The following PHACTR4 variants were observed in gnomAD, a reference collection of about 807,000 sequenced individuals.
The protein encoded by PHACTR4 is phosphatase and actin regulator 4.
In PHACTR4, 51 loss-of-function variants were observed where a neutral mutation model predicts 72.7. That is an observed-to-expected ratio of 0.70 (90% CI 0.56 to 0.89). The LOEUF is 0.89. Among genes scored for constraint, PHACTR4 ranks in the 40% least tolerant of loss-of-function variants. The pLI is 0.00. For missense variants in PHACTR4, 731 were observed against 861.8 expected, an observed-to-expected ratio of 0.85 and a Z score of 1.90; for synonymous variants, 255 against 302.5, an observed-to-expected ratio of 0.84 and a Z score of 1.63.
intron 2 of PHACTR4, among the ~76,000 whole-genome samples, 195 bp from the exon 3 acceptor site, chr1:28,458,890 C>T (rs1225182185): frequency 2.0e-5 from 3 of 152,110 alleles, no homozygotes; most frequent in African/African-American, 4.8e-5. Flanking sequence ...TCCTTTTTCT[C>T]CTTAGTAGTT....
chr1:28,428,515 C>CT (rs1392163820), intron 2 of PHACTR4, among the ~76,000 whole-genome samples: 1 of 152,272 alleles, frequency 6.6e-6, no homozygotes, highest in East Asian at 1.9e-4. Flanking sequence ...TGAGTGTGAT[C>CT]TTTCATTTTG....
intron 1 of PHACTR4, among the ~76,000 whole-genome samples, chr1:28,401,507 A>G (rs1457661134): frequency 1.3e-5 from 2 of 151,830 alleles, no homozygotes; most frequent in Non-Finnish European, 2.9e-5. Context: ...AGGTTTCACC[A>G]TGTTGGCCAG....
At chr1:28,496,050 CT>C (rs59019895) in intron 13 of PHACTR4, among the ~76,000 whole-genome samples, 5,603 of 88,812 alleles carry the variant, frequency 0.063, 87 homozygotes, top group African/African-American at 0.19. Flanking sequence ...GAGAAGAGTT[CT>C]TTTTTTTTTT....
chr1:28,386,244 C>T (rs1652551960), intron 1 of PHACTR4, among the ~76,000 whole-genome samples: 1 of 152,070 alleles, frequency 6.6e-6, no homozygotes, highest in Non-Finnish European at 1.5e-5. Flanking sequence ...CAGGCATGTG[C>T]CACCAATCTT....
rs774787777 is a variant in PHACTR4 at position 28,442,483 on chromosome 1, TTTTG to T, written c.17-16588_17-16585del. Among the ~76,000 whole-genome samples the T allele has an allele frequency of 4.4e-4, 66 of 151,478 alleles. No homozygotes were observed. In the East Asian group the frequency reaches 7.6e-3, roughly 17 times the overall value. Reference sequence around the variant, plus strand: ...GTCTCAAAAAAAAAGAAAAAAAAGTTTTTGTTTGTTTGTTTGTGTATTTATTTAT... The same window carrying T: ...GTCTCAAAAAAAAAGAAAAAAAAGTTTTTGTTTGTTTGTGTATTTATTTAT... On this transcript the variant is annotated intron_variant, in intron 2 of 13. Coordinates refer to ENST00000373839, the MANE Select transcript of PHACTR4 (RefSeq NM_001048183.3).
chr1:28,422,420 T>G (rs1655566063), intron 2 of PHACTR4: 1 of 152,268 alleles, frequency 6.6e-6, no homozygotes, highest in Admixed American at 6.5e-5. Flanking sequence ...ATAGGTTATA[T>G]GTAAACACTT....
intron 1 of PHACTR4, among the ~76,000 whole-genome samples, chr1:28,406,197 A>G (rs1654312871): frequency 6.6e-6 from 1 of 152,236 alleles, no homozygotes; most frequent in Non-Finnish European, 1.5e-5. Context: ...TTACATTTCC[A>G]GTACAAACCT....
chr1:28,408,291 G>A (rs1021780393), intron 2 of PHACTR4, among the ~76,000 whole-genome samples: 2 of 134,620 alleles, frequency 1.5e-5, no homozygotes, highest in Non-Finnish European at 3.5e-5. Context: ...TGGGCGCAGT[G>A]GCTCATGCCT....
intron 1 of PHACTR4, among the ~76,000 whole-genome samples, chr1:28,398,547 G>A (rs1390155312): frequency 6.6e-6 from 1 of 151,754 alleles, no homozygotes; most frequent in South Asian, 2.1e-4. Context: ...GGCCGAGCAC[G>A]GTGGCTCATG....
Position 28,409,951 on chromosome 1 carries a change from A to ATTT in PHACTR4, c.16+2520_16+2522dup, listed in dbSNP as rs57186471. Reference sequence around the variant, plus strand: ...GAGGGCAGTCTGTACTTCTTCATAAATTTTTTTTTTTTTTTTTTTTTTTTT... The same window carrying ATTT: ...GAGGGCAGTCTGTACTTCTTCATAAATTTTTTTTTTTTTTTTTTTTTTTTTTTT... On this transcript the variant is annotated intron_variant, in intron 2 of 13. Coordinates refer to ENST00000373839, the MANE Select transcript of PHACTR4 (RefSeq NM_001048183.3). 7.4e-3 allele frequency among the ~76,000 whole-genome samples: 494 copies of ATTT among 66,362 alleles called. 39 individuals are homozygous for ATTT. Among genetic ancestry groups the ATTT allele is most frequent in the African/African-American group, 0.011 (173 of 15,662 alleles). The allele number at this position is 66,362 out of a possible 152,430, so 43.5% of individuals were successfully genotyped here. A position where few individuals can be genotyped will look rare whatever the true frequency, so the allele number is the denominator to read the frequency against.
intron 7 of PHACTR4, among the ~76,000 whole-genome samples, chr1:28,474,397 A>G (rs1397484878): frequency 6.6e-6 from 1 of 150,684 alleles, no homozygotes; most frequent in East Asian, 2.0e-4. Context: ...GGTGGCACAT[A>G]CCTGTAATCC....
At chr1:28,387,650 GCTGAGGCTGGAGGATTGC>G (rs1238509025) in intron 1 of PHACTR4, among the ~76,000 whole-genome samples, 1 of 152,148 alleles carries the variant, frequency 6.6e-6, no homozygotes, top group Non-Finnish European at 1.5e-5. Flanking sequence ...CTTTGCGGGG[GCTGAGGCTGGAGGATTGC>G]CTGAGGCTAG....
chr1:28,375,711 T>C (rs1260574107), intron 1 of PHACTR4, among the ~76,000 whole-genome samples: 1 of 151,698 alleles, frequency 6.6e-6, no homozygotes, highest in Non-Finnish European at 1.5e-5. Flanking sequence ...ATAAGTAAAA[T>C]AGGAAAGAGA....
chr1:28,433,955 A>C (rs1359378633), intron 2 of PHACTR4, among the ~76,000 whole-genome samples: 1 of 151,200 alleles, frequency 6.6e-6, no homozygotes, highest in Non-Finnish European at 1.5e-5. Context: ...TAATATTTGT[A>C]TTTTTAGTAG....
intron 1 of PHACTR4, among the ~76,000 whole-genome samples, chr1:28,371,021 G>A (rs1651205597): frequency 6.6e-6 from 1 of 152,198 alleles, no homozygotes; most frequent in Non-Finnish European, 1.5e-5. Context: ...CGTGGATTGT[G>A]GATTCGATCA....
intron 2 of PHACTR4, among the ~76,000 whole-genome samples, chr1:28,442,400 G>C (rs1223791266): frequency 6.6e-6 from 1 of 150,782 alleles, no homozygotes; most frequent in East Asian, 2.0e-4. Context: ...GGAGGCGGAG[G>C]ATGCAGTGAG....
At chr1:28,460,910 C>T (rs1392368145) in intron 4 of PHACTR4, among the ~76,000 whole-genome samples, 1 of 152,026 alleles carries the variant, frequency 6.6e-6, no homozygotes, top group African/African-American at 2.4e-5. Flanking sequence ...TCCCAAAGTG[C>T]TGGGATTACA....
chr1:28,460,171 A>G (rs777473066), intron 3 of PHACTR4, 41 bp from the exon 4 acceptor site: 7 of 1,396,332 alleles, frequency 5.0e-6, no homozygotes, highest in South Asian at 1.2e-5. Context: ...TTGACTTTCA[A>G]CTGTCACATT....
At chr1:28,373,368 G>A (rs1319409762) in intron 1 of PHACTR4, among the ~76,000 whole-genome samples, 1 of 151,800 alleles carries the variant, frequency 6.6e-6, no homozygotes, top group African/African-American at 2.4e-5. Context: ...TTGGCTCACT[G>A]CAACCTCTGC....
Sources: gnomAD v4.1 joint callset for allele counts (sites outside exome capture counted in the v4.1 genomes callset) on GRCh38, gnomAD v4.1.1 for gene constraint, MANE v1.5 for transcripts, NCBI Gene and HGNC (gene_info 2026-07-23, HGNC 2026-07-21) for gene names.